Variants in NTM observed in about 807,000 individuals in gnomAD.
NTM encodes the protein neurotrimin, also known as IgLON family member 2.
In NTM, 13 loss-of-function variants were observed where a neutral mutation model predicts 42.1. The ratio of observed to expected loss-of-function variants is 0.31; its 90% CI spans 0.20 to 0.49. The LOEUF is 0.49. Among genes scored for constraint, NTM ranks in the 20% least tolerant of loss-of-function variants. NTM has a pLI of 0.99. For synonymous variants in NTM, 187 were observed against 179.2 expected (o/e 1.04, Z -0.35); for missense variants, 373 against 452.8 (o/e 0.82, Z 1.60).
chr11:131,824,435 A>G (rs1565598053), intron 1 of NTM, among the ~76,000 whole-genome samples: 1 of 152,212 alleles, frequency 6.6e-6, no homozygotes, highest in Non-Finnish European at 1.5e-5. Context: ...ACAGTGTACA[A>G]GATGGACACA....
intron 2 of NTM, among the ~76,000 whole-genome samples, chr11:131,973,261 AG>A (rs2134732188): frequency 6.6e-6 from 1 of 152,314 alleles, no homozygotes; most frequent in African/African-American, 2.4e-5. Flanking sequence ...TAGGATACAG[AG>A]GGGGAAGTTG....
At chr11:132,268,662 C>CTG (rs1441238195) in intron 4 of NTM, among the ~76,000 whole-genome samples, 36 of 67,938 alleles carry the variant, frequency 5.3e-4, no homozygotes, top group African/African-American at 2.0e-3. Context: ...GGGGTCCTCT[C>CTG]TCTCTCTCTG....
intron 1 of NTM, among the ~76,000 whole-genome samples, chr11:131,583,300 C>G (rs2058578340): frequency 6.6e-6 from 1 of 152,158 alleles, no homozygotes; most frequent in African/African-American, 2.4e-5. Context: ...AGTACCTTCC[C>G]CATCCACCTC....
chr11:131,586,106 G>C (rs1052441309), intron 1 of NTM, among the ~76,000 whole-genome samples: 5 of 151,390 alleles, frequency 3.3e-5, no homozygotes, highest in African/African-American at 1.2e-4. Context: ...CAATATTTTA[G>C]TTTTTCCTTT....
chr11:131,540,075 C>G (rs2052968471), intron 1 of NTM, among the ~76,000 whole-genome samples: 1 of 151,194 alleles, frequency 6.6e-6, no homozygotes. Context: ...TTAAAAAGCT[C>G]TGGCTGATTC....
chr11:131,913,353 G>T (rs1333567009), intron 2 of NTM, among the ~76,000 whole-genome samples: 1 of 152,020 alleles, frequency 6.6e-6, no homozygotes, highest in African/African-American at 2.4e-5. Context: ...CAAGGAAAAG[G>T]TGTAAGGTAG....
intron 1 of NTM, among the ~76,000 whole-genome samples, chr11:131,491,634 G>T (rs567812047): frequency 1.3e-5 from 2 of 151,978 alleles, no homozygotes; most frequent in South Asian, 4.1e-4. Context: ...AAGTACTGGA[G>T]TTGGTATTAT....
intron 2 of NTM, among the ~76,000 whole-genome samples, chr11:132,063,227 C>T (rs976008585): frequency 4.6e-5 from 7 of 152,258 alleles, no homozygotes; most frequent in Middle Eastern, 3.4e-3. Flanking sequence ...TAATTACCTC[C>T]GAAATGCTCC....
At chr11:131,793,071 A>G (rs1319951725) in intron 1 of NTM, among the ~76,000 whole-genome samples, 1 of 152,230 alleles carries the variant, frequency 6.6e-6, no homozygotes, top group Admixed American at 6.5e-5. Flanking sequence ...AGAATCGCCA[A>G]CGTACTTAGA....
At chr11:131,434,575 C>T (rs1262090263) in intron 1 of NTM, among the ~76,000 whole-genome samples, 1 of 152,170 alleles carries the variant, frequency 6.6e-6, no homozygotes, top group Non-Finnish European at 1.5e-5. Flanking sequence ...TTGTTGACTG[C>T]ATAAATATCT....
At chr11:132,314,769 A>AG in intron 7 of NTM, 66 bp downstream of exon 7, 6 of 1,509,444 alleles carry the variant, frequency 4.0e-6, no homozygotes, top group Non-Finnish European at 5.3e-6. Flanking sequence ...GCTGGGTGGG[A>AG]GGGCCCCTCA....
chr11:132,121,395 TATGA>T (rs1270085093), intron 2 of NTM, among the ~76,000 whole-genome samples: 4 of 151,908 alleles, frequency 2.6e-5, no homozygotes, highest in Admixed American at 6.6e-5. Flanking sequence ...TGAAAAAAAA[TATGA>T]ATCTCGTATA....
At chr11:132,103,520 A>T (rs1186174254) in intron 2 of NTM, among the ~76,000 whole-genome samples, 1 of 152,208 alleles carries the variant, frequency 6.6e-6, no homozygotes, top group African/African-American at 2.4e-5. Flanking sequence ...TTAGTGCAAA[A>T]CTATTAAGTG....
intron 1 of NTM, among the ~76,000 whole-genome samples, chr11:131,667,265 G>A (rs1210184763): frequency 6.6e-5 from 10 of 152,160 alleles, no homozygotes; most frequent in Non-Finnish European, 1.5e-4. Flanking sequence ...TCCGTGGGTT[G>A]TTCTTGTTCC....
intron 7 of NTM, among the ~76,000 whole-genome samples, chr11:132,316,540 T>G (rs1461577751): frequency 6.6e-6 from 1 of 152,004 alleles, no homozygotes; most frequent in Admixed American, 6.6e-5. Context: ...CACACCAAGA[T>G]GAGTGGGGTA....
At chr11:132,141,314 A>T (rs1324043868) in intron 2 of NTM, among the ~76,000 whole-genome samples, 2 of 151,378 alleles carry the variant, frequency 1.3e-5, no homozygotes, top group East Asian at 3.9e-4. Flanking sequence ...CCTAAATCCA[A>T]AAGTAGCTTC....
At chr11:132,139,581 A>G (rs2068676524) in intron 2 of NTM, among the ~76,000 whole-genome samples, 1 of 152,230 alleles carries the variant, frequency 6.6e-6, no homozygotes, top group East Asian at 1.9e-4. Context: ...CTGGAGGTGC[A>G]CAGAGCAAAG....
At chr11:132,162,188 A>AGTGTTTATGTGG (rs1555292481) in intron 3 of NTM, among the ~76,000 whole-genome samples, 1 of 150,136 alleles carries the variant, frequency 6.7e-6, no homozygotes, top group Non-Finnish European at 1.5e-5. Flanking sequence ...TTTTGGGGGG[A>AGTGTTTATGTGG]GTGTGTATGT....
At chr11:131,961,194 AT>A (rs1476180662) in intron 2 of NTM, among the ~76,000 whole-genome samples, 2 of 152,182 alleles carry the variant, frequency 1.3e-5, no homozygotes, top group Non-Finnish European at 2.9e-5. Context: ...GAAATCCTGA[AT>A]TTGAAAAAAC....
Sources: allele counts gnomAD v4.1 joint callset (sites outside exome capture counted in the v4.1 genomes callset), GRCh38; gene constraint gnomAD v4.1.1; transcripts MANE v1.5; gene names NCBI Gene and HGNC (gene_info 2026-07-23, HGNC 2026-07-21).